The following PTPRG variants were observed in gnomAD, a reference collection of about 807,000 sequenced individuals.
PTPRG encodes the protein protein tyrosine phosphatase receptor type G, also known as receptor-type tyrosine-protein phosphatase gamma.
In PTPRG, 102 loss-of-function variants were observed where a neutral mutation model predicts 165.3. The observed-to-expected ratio is 0.62, with a 90% CI of 0.53 to 0.73. The LOEUF is 0.73. Ranked by LOEUF, PTPRG falls within the 30% of genes least tolerant of loss-of-function variation. The probability of loss-of-function intolerance (pLI) is 0.00; values close to 1 mark genes in which losing one functional copy is unlikely to be tolerated. For missense variants in PTPRG, 1,866 were observed against 1,861.4 expected (o/e 1.00, Z -0.05); for synonymous variants, 675 against 669.5 (o/e 1.01, Z -0.13).
At chr3:62,140,024 C>T (rs930003542) in intron 6 of PTPRG, among the ~76,000 whole-genome samples, 9 of 152,312 alleles carry the variant, frequency 5.9e-5, no homozygotes, top group African/African-American at 1.4e-4. Context: ...TAAAGAGTAA[C>T]GGAGTGTCAT....
intron 1 of PTPRG, among the ~76,000 whole-genome samples, chr3:61,684,172 C>T (rs1315153516): frequency 2.0e-5 from 3 of 152,176 alleles, no homozygotes; most frequent in African/African-American, 7.2e-5. Context: ...GAAGTTTTGC[C>T]TTCTGAGTAG....
chr3:61,648,720 A>G (rs895190865), intron 1 of PTPRG, among the ~76,000 whole-genome samples: 1 of 152,162 alleles, frequency 6.6e-6, no homozygotes, highest in African/African-American at 2.4e-5. Flanking sequence ...TTTTTCTATT[A>G]GGTTCTATTA....
intron 4 of PTPRG, among the ~76,000 whole-genome samples, chr3:62,016,356 C>T (rs143727615): frequency 2.0e-5 from 3 of 151,960 alleles, no homozygotes; most frequent in African/African-American, 4.8e-5. Flanking sequence ...TTAGTAGAGA[C>T]GGAGTTTCAC....
chr3:62,189,121 G>A (rs116612486), intron 8 of PTPRG, among the ~76,000 whole-genome samples: 15 of 152,224 alleles, frequency 9.9e-5, no homozygotes, highest in African/African-American at 2.2e-4. Context: ...TGGCATTTGC[G>A]CAGCGGACAG....
chr3:62,273,092 G>A lies in PTPRG; in HGVS notation c.3318+11G>A. 5.6e-6 allele frequency: 9 copies of A among 1,600,136 alleles called. No individual in the cohort carries two copies. Among genetic ancestry groups the A allele is most frequent in the Non-Finnish European group, 7.7e-6 (9 of 1,174,844 alleles). ...CTCGTCCAGACTGAGGTAAGGAGTA[G>A]CTGCCAGCGTCCTCACGACATTCTG... On this transcript the variant is annotated intron_variant, in intron 22 of 29. Transcript: ENST00000474889. This position sits in a 1 kb window ranked among gnomAD's most constrained non-coding sequence, Gnocchi z 4.1.
At chr3:61,576,547 G>A (rs967419202) in intron 1 of PTPRG, among the ~76,000 whole-genome samples, 4 of 152,198 alleles carry the variant, frequency 2.6e-5, no homozygotes, top group African/African-American at 9.6e-5. Flanking sequence ...ATTGATCACA[G>A]AGCTTTTTGC....
At chr3:62,144,093 C>A (rs1192401166) in intron 6 of PTPRG, among the ~76,000 whole-genome samples, 3 of 152,184 alleles carry the variant, frequency 2.0e-5, no homozygotes, top group East Asian at 1.9e-4. Flanking sequence ...TACATATCAT[C>A]TATGGCTACT....
chr3:61,879,230 A>G (rs901443012), intron 2 of PTPRG, among the ~76,000 whole-genome samples: 2 of 152,206 alleles, frequency 1.3e-5, no homozygotes, highest in African/African-American at 4.8e-5. Context: ...TACCAAGGCA[A>G]TAAAAACCTA....
At chr3:61,565,326 C>T (rs934566790) in intron 1 of PTPRG, among the ~76,000 whole-genome samples, 36 of 152,286 alleles carry the variant, frequency 2.4e-4, no homozygotes, top group African/African-American at 8.7e-4. Flanking sequence ...TGATATTAGG[C>T]ATATTACATT....
At chr3:62,055,812 C>G (rs376221492) in intron 4 of PTPRG, among the ~76,000 whole-genome samples, 4 of 152,276 alleles carry the variant, frequency 2.6e-5, no homozygotes, top group African/African-American at 9.6e-5. Flanking sequence ...CCACATTTCC[C>G]TAATTTTTAA....
At chr3:62,232,537 G>A (rs1470638811) in intron 14 of PTPRG, among the ~76,000 whole-genome samples, 1 of 152,202 alleles carries the variant, frequency 6.6e-6, no homozygotes, top group African/African-American at 2.4e-5. Context: ...AATATGTTGT[G>A]TTTTTGACTA....
chr3:61,643,561 T>C (rs1702121741), intron 1 of PTPRG, among the ~76,000 whole-genome samples: 2 of 152,074 alleles, frequency 1.3e-5, no homozygotes, highest in Admixed American at 1.3e-4. Context: ...GGTGAATCAC[T>C]TGAGGTCAGG....
chr3:62,192,267 G>A (rs1349107239), intron 9 of PTPRG, among the ~76,000 whole-genome samples: 1 of 151,906 alleles, frequency 6.6e-6, no homozygotes, highest in Non-Finnish European at 1.5e-5. Context: ...TGGGCTACAC[G>A]TGCCTAATTC....
At chr3:62,157,006 C>A in intron 6 of PTPRG, 61 bp from the exon 7 acceptor site, 1 of 1,453,544 alleles carries the variant, frequency 6.9e-7, no homozygotes, top group Non-Finnish European at 9.6e-7. Context: ...TTGACTGTGT[C>A]TGCGGCTCGG....
At chr3:61,932,316 C>A (rs2039381362) in intron 2 of PTPRG, among the ~76,000 whole-genome samples, 1 of 152,198 alleles carries the variant, frequency 6.6e-6, no homozygotes, top group Non-Finnish European at 1.5e-5. Flanking sequence ...GTGTTGAACA[C>A]AACAGACCAT....
At chr3:62,039,182 G>A (rs1304092753) in intron 4 of PTPRG, among the ~76,000 whole-genome samples, 2 of 151,866 alleles carry the variant, frequency 1.3e-5, no homozygotes, top group Admixed American at 1.3e-4. Flanking sequence ...TGATCTGCCT[G>A]CCTTGGCCTC....
intron 2 of PTPRG, among the ~76,000 whole-genome samples, chr3:61,873,570 A>G (rs533994149): frequency 3.9e-5 from 6 of 152,286 alleles, no homozygotes; most frequent in Non-Finnish European, 7.4e-5. Context: ...GAAAAATACT[A>G]TAGGATGGGT....
At chr3:61,684,197 C>G (rs1206576152) in intron 1 of PTPRG, among the ~76,000 whole-genome samples, 4 of 152,154 alleles carry the variant, frequency 2.6e-5, no homozygotes, top group African/African-American at 4.8e-5. Context: ...GTGGTCACAA[C>G]TTGTCCTGTT....
intron 4 of PTPRG, among the ~76,000 whole-genome samples, chr3:62,021,743 A>T (rs1165635280): frequency 2.6e-5 from 4 of 152,130 alleles, no homozygotes; most frequent in African/African-American, 9.7e-5. Flanking sequence ...GAAACTGTCT[A>T]TAATAATAGT....
Sources: allele counts gnomAD v4.1 joint callset (sites outside exome capture counted in the v4.1 genomes callset), GRCh38; gene constraint gnomAD v4.1.1; non-coding constraint Gnocchi (gnomAD v3.1); transcripts MANE v1.5; gene names NCBI Gene and HGNC (gene_info 2026-07-23, HGNC 2026-07-21).